The following CLYBL variants were observed in gnomAD, a reference collection of about 807,000 sequenced individuals.
CLYBL encodes the protein citramalyl-CoA lyase, also known as citramalyl-CoA lyase, mitochondrial.
In CLYBL, 31 loss-of-function variants were observed where a neutral mutation model predicts 38.9. The ratio of observed to expected loss-of-function variants is 0.80; its 90% confidence interval spans 0.60 to 1.08. The LOEUF is 1.08. CLYBL is among the 50% of genes least tolerant of loss of function. The pLI, the probability that CLYBL is intolerant of heterozygous loss-of-function variation, is 0.00. For synonymous variants in CLYBL, 171 were observed against 158.6 expected (o/e 1.08, Z -0.59); for missense variants, 434 against 411.6 (o/e 1.05, Z -0.47).
At chr13:99,683,795 A>G (rs975751810) in intron 1 of CLYBL, among the ~76,000 whole-genome samples, 1 of 109,732 alleles carries the variant, frequency 9.1e-6, no homozygotes, top group African/African-American at 4.5e-5. Flanking sequence ...AATGTAAAGC[A>G]TAATATAAAA....
At chr13:99,707,954 G>T (rs942382443) in intron 1 of CLYBL, among the ~76,000 whole-genome samples, 8 of 152,074 alleles carry the variant, frequency 5.3e-5, no homozygotes, top group African/African-American at 1.9e-4. Context: ...TGGACTTAGG[G>T]ACTCTACAAG....
chr13:99,729,692 A>T (rs561825485), intron 1 of CLYBL, among the ~76,000 whole-genome samples: 112 of 152,312 alleles, frequency 7.4e-4, no homozygotes, highest in African/African-American at 2.6e-3. Context: ...GTCAATTAGC[A>T]AATGATGGTC....
intron 1 of CLYBL, among the ~76,000 whole-genome samples, chr13:99,733,192 G>A (rs535889344): frequency 2.0e-5 from 3 of 151,894 alleles, no homozygotes; most frequent in African/African-American, 7.2e-5. Flanking sequence ...TTGTTAATGT[G>A]ATCAGAGATT....
At chr13:99,643,289 T>C (rs1031257539) in intron 1 of CLYBL, 1 of 152,544 alleles carries the variant, frequency 6.6e-6, no homozygotes, top group African/African-American at 2.4e-5. Context: ...GAATGATGTC[T>C]GTATATTCTG....
At chr13:99,684,735 A>G (rs140118397) in intron 1 of CLYBL, among the ~76,000 whole-genome samples, 6 of 152,336 alleles carry the variant, frequency 3.9e-5, no homozygotes, top group Non-Finnish European at 5.9e-5. Context: ...TCCCCTGTGA[A>G]ATAATAACAA....
At position 99,753,541 on chromosome 13, in the gene CLYBL, G is replaced by A. The variant is rs553476444; in HGVS notation, c.63-19283G>A. On this transcript the variant is annotated intron_variant, in intron 1 of 8. Coordinates refer to ENST00000339105, the MANE Select transcript of CLYBL (RefSeq NM_206808.5). ...AAGTCCCATCCTAAAGGCCCTGGCA[G>A]GGAGCTGGAATGCATGGAATACCTG... is the stretch of plus-strand genomic sequence containing the variant. 2.0e-5 allele frequency among the ~76,000 whole-genome samples: 3 copies of A among 152,340 alleles called. 1 individual carries two copies. The South Asian group carries it at 6.2e-4, about 32-fold the overall frequency.
At chr13:99,688,051 G>A (rs932139581) in intron 1 of CLYBL, among the ~76,000 whole-genome samples, 5 of 152,230 alleles carry the variant, frequency 3.3e-5, no homozygotes, top group African/African-American at 9.6e-5. Flanking sequence ...ACTTGTTAAA[G>A]ACAGTCAATC....
At chr13:99,776,785 C>G (rs9557298) in intron 2 of CLYBL, among the ~76,000 whole-genome samples, 4 of 151,778 alleles carry the variant, frequency 2.6e-5, no homozygotes, top group African/African-American at 9.7e-5. Context: ...ATATGCTGGG[C>G]GCTGTAATTT....
At chr13:99,709,288 C>T (rs1415629298) in intron 1 of CLYBL, among the ~76,000 whole-genome samples, 1 of 152,162 alleles carries the variant, frequency 6.6e-6, no homozygotes, top group Non-Finnish European at 1.5e-5. Flanking sequence ...CTGCTGACAC[C>T]TCAGTTTCAG....
At chr13:99,678,560 T>C (rs781094129) in intron 1 of CLYBL, among the ~76,000 whole-genome samples, 3 of 152,238 alleles carry the variant, frequency 2.0e-5, no homozygotes, top group Non-Finnish European at 4.4e-5. Flanking sequence ...AAAGGCAAGA[T>C]AGAGGATTAA....
At chr13:99,884,119 G>C (rs933505033) in intron 7 of CLYBL, among the ~76,000 whole-genome samples, 30 of 152,186 alleles carry the variant, frequency 2.0e-4, no homozygotes, top group Non-Finnish European at 4.4e-4. Flanking sequence ...CAGCCCAAGA[G>C]TGCTGGGATT....
At chr13:99,807,731 A>G (rs1206722755) in intron 2 of CLYBL, among the ~76,000 whole-genome samples, 3 of 152,272 alleles carry the variant, frequency 2.0e-5, no homozygotes, top group South Asian at 2.1e-4. Flanking sequence ...TGGTTGCACA[A>G]TAAGATAAAT....
chr13:99,694,668 TA>T (rs1160086686), intron 1 of CLYBL, among the ~76,000 whole-genome samples: 1 of 152,208 alleles, frequency 6.6e-6, no homozygotes, highest in African/African-American at 2.4e-5. Flanking sequence ...GGAGCACGTC[TA>T]AATGGAAAAT....
chr13:99,785,352 G>C (rs2049766506), intron 2 of CLYBL, among the ~76,000 whole-genome samples: 1 of 151,228 alleles, frequency 6.6e-6, no homozygotes. Flanking sequence ...GGGACCACAG[G>C]TGTGTGCCAC....
Position 99,863,112 on chromosome 13 carries a change from G to A in CLYBL, c.540+20G>A. The A allele has an allele frequency of 3.8e-6, 5 of 1,301,818 alleles. No homozygotes were observed. Among genetic ancestry groups the A allele is most frequent in the Non-Finnish European group, 5.4e-6 (5 of 924,416 alleles). 80.6% of individuals were successfully genotyped at this position (1,301,818 alleles called of 1,614,324 possible). A position where few individuals can be genotyped will look rare whatever the true frequency, so the allele number is the denominator to read the frequency against. On this transcript the variant is annotated intron_variant, in intron 4 of 8. Coordinates refer to ENST00000339105, the MANE Select transcript of CLYBL (RefSeq NM_206808.5). ...TTTAAGGTAAGGAAGCCATAATACG[G>A]TTAATAAGTTAGCATTTTATTTATC...
intron 2 of CLYBL, among the ~76,000 whole-genome samples, chr13:99,795,570 C>T (rs920859901): frequency 6.6e-6 from 1 of 152,096 alleles, no homozygotes; most frequent in Admixed American, 6.5e-5. Flanking sequence ...GGGAAGATTG[C>T]TTGAGCCCAG....
intron 4 of CLYBL, among the ~76,000 whole-genome samples, chr13:99,863,483 G>A (rs993737150): frequency 3.9e-5 from 6 of 152,010 alleles, no homozygotes; most frequent in African/African-American, 1.5e-4. Context: ...CTTTTCAGTG[G>A]GAAATGTTCT....
intron 1 of CLYBL, 65 bp downstream of exon 1, chr13:99,606,822 G>A: frequency 7.7e-7 from 1 of 1,306,274 alleles, no homozygotes; most frequent in Non-Finnish European, 9.7e-7. Flanking sequence ...TCCTGTTGCA[G>A]CCCCGCGGGC....
intron 1 of CLYBL, among the ~76,000 whole-genome samples, chr13:99,628,166 T>C (rs2046895563): frequency 6.6e-6 from 1 of 152,208 alleles, no homozygotes. Context: ...CTGATTGGAA[T>C]GTGAAATTTA....
Sources: gnomAD v4.1 joint callset for allele counts (sites outside exome capture counted in the v4.1 genomes callset) on GRCh38, gnomAD v4.1.1 for gene constraint, MANE v1.5 for transcripts, NCBI Gene and HGNC (gene_info 2026-07-23, HGNC 2026-07-21) for gene names.